The following PTK2 variants were observed in gnomAD, a reference collection of about 807,000 sequenced individuals.
PTK2 encodes protein tyrosine kinase 2.
In PTK2, 45 loss-of-function variants were observed where a neutral mutation model predicts 150.1. The observed-to-expected ratio is 0.30, with a 90% CI of 0.24 to 0.38. PTK2 has a LOEUF of 0.38. Among genes scored for constraint, PTK2 ranks in the 10% least tolerant of loss-of-function variants. The pLI is 1.00. For synonymous variants in PTK2, 432 were observed against 449.2 expected (o/e 0.96, Z 0.48); for missense variants, 919 against 1,307.3 (o/e 0.70, Z 4.58).
chr8:140,854,721 C>T (rs1349972368), intron 5 of PTK2, among the ~76,000 whole-genome samples: 1 of 152,032 alleles, frequency 6.6e-6, no homozygotes, highest in Non-Finnish European at 1.5e-5. Flanking sequence ...TACATTTAGG[C>T]CATCTTTTAA....
intron 26 of PTK2, among the ~76,000 whole-genome samples, chr8:140,688,311 T>G (rs1025019316): frequency 6.6e-6 from 1 of 152,168 alleles, no homozygotes; most frequent in African/African-American, 2.4e-5. Flanking sequence ...AACACATCAG[T>G]GTTGACTGAA....
intron 1 of PTK2, among the ~76,000 whole-genome samples, chr8:140,973,562 T>C (rs901983752): frequency 8.6e-5 from 13 of 151,584 alleles, no homozygotes; most frequent in African/African-American, 2.2e-4. Context: ...GGCAAACTCA[T>C]AGGATAGATG....
intron 7 of PTK2, chr8:140,832,894 C>A: frequency 1.9e-6 from 1 of 518,994 alleles, no homozygotes; most frequent in Non-Finnish European, 3.8e-6. Context: ...AGGCAACACA[C>A]ACGTCAGTAT....
intron 5 of PTK2, among the ~76,000 whole-genome samples, chr8:140,850,908 A>C (rs1412329211): frequency 3.9e-5 from 6 of 152,254 alleles, no homozygotes; most frequent in Non-Finnish European, 7.3e-5. Flanking sequence ...ATTACTCCAT[A>C]ATGTATTGCA....
chr8:140,661,309 C>G (rs1023557356), intron 31 of PTK2, among the ~76,000 whole-genome samples: 3 of 152,154 alleles, frequency 2.0e-5, no homozygotes, highest in African/African-American at 7.2e-5. Context: ...GCAGATAAAC[C>G]ATCTAAGAGG....
At chr8:140,990,100 G>A (rs1249783221) in intron 1 of PTK2, among the ~76,000 whole-genome samples, 1 of 152,128 alleles carries the variant, frequency 6.6e-6, no homozygotes, top group Non-Finnish European at 1.5e-5. Flanking sequence ...TTAGTGACAA[G>A]TAACAGAAGA....
At chr8:140,967,788 C>G (rs1417179730) in intron 1 of PTK2, among the ~76,000 whole-genome samples, 2 of 152,048 alleles carry the variant, frequency 1.3e-5, no homozygotes, top group Non-Finnish European at 2.9e-5. Flanking sequence ...CATATCCTAA[C>G]AATTTAACTC....
chr8:140,995,535 G>C (rs543210454), intron 1 of PTK2, among the ~76,000 whole-genome samples: 25 of 152,254 alleles, frequency 1.6e-4, no homozygotes, highest in African/African-American at 5.1e-4. Flanking sequence ...GCCGGGCACA[G>C]TGGTGATGCC....
At chr8:140,696,803 C>T (rs775312600) in intron 26 of PTK2, among the ~76,000 whole-genome samples, 1 of 152,054 alleles carries the variant, frequency 6.6e-6, no homozygotes, top group Non-Finnish European at 1.5e-5. Context: ...TCCATATGCT[C>T]GGCATGGTGG....
intron 20 of PTK2, among the ~76,000 whole-genome samples, chr8:140,742,639 G>A (rs2100056411): frequency 6.6e-6 from 1 of 152,102 alleles, no homozygotes; most frequent in African/African-American, 2.4e-5. Flanking sequence ...ATGCTTATGT[G>A]CAATCCATAT....
At chr8:140,791,123 C>T (rs1470201131) in intron 13 of PTK2, among the ~76,000 whole-genome samples, 1 of 152,198 alleles carries the variant, frequency 6.6e-6, no homozygotes, top group African/African-American at 2.4e-5. Flanking sequence ...CAATGTACTA[C>T]CTTCCTCACT....
intron 2 of PTK2, among the ~76,000 whole-genome samples, chr8:140,891,239 A>G (rs562399648): frequency 1.3e-5 from 2 of 152,310 alleles, no homozygotes; most frequent in South Asian, 2.1e-4. Flanking sequence ...TAAAAACACT[A>G]TAATTAAAAT....
intron 1 of PTK2, among the ~76,000 whole-genome samples, chr8:140,948,362 T>C (rs10086364): frequency 0.025 from 3,869 of 152,050 alleles, 64 homozygotes; most frequent in South Asian, 0.036. Flanking sequence ...AAACAAAATA[T>C]GAGGCAGAAC....
chr8:140,809,660 G>A (rs2100100255), intron 10 of PTK2, among the ~76,000 whole-genome samples: 2 of 152,076 alleles, frequency 1.3e-5, no homozygotes, highest in Admixed American at 6.5e-5. Context: ...ACAAAAATTA[G>A]CCGAGTGTAA....
chr8:140,857,219 A>G (rs1017249698), intron 5 of PTK2, among the ~76,000 whole-genome samples: 1 of 152,076 alleles, frequency 6.6e-6, no homozygotes, highest in African/African-American at 2.4e-5. Context: ...ATTTTTTGCA[A>G]CCTGGATCTG....
At chr8:140,751,831 T>C (rs1352968999) in intron 17 of PTK2, 1 of 476,700 alleles carries the variant, frequency 2.1e-6, no homozygotes, top group African/African-American at 2.0e-5. Context: ...ACAAGGGGAA[T>C]GGTCATAGAG....
At chr8:140,829,415 T>A (rs565063172) in intron 8 of PTK2, among the ~76,000 whole-genome samples, 60 of 152,368 alleles carry the variant, frequency 3.9e-4, no homozygotes, top group Non-Finnish European at 7.2e-4. Flanking sequence ...TGATAAATTA[T>A]ACCAACACTC....
intron 1 of PTK2, among the ~76,000 whole-genome samples, chr8:140,928,324 TGAA>T: frequency 6.6e-6 from 1 of 152,296 alleles, no homozygotes; most frequent in South Asian, 2.1e-4. Flanking sequence ...GGCAAGGATA[TGAA>T]GAAATCGAAA....
At chr8:140,830,075 G>GCA (rs1478819926) in intron 8 of PTK2, among the ~76,000 whole-genome samples, 3 of 111,900 alleles carry the variant, frequency 2.7e-5, no homozygotes, top group East Asian at 2.5e-4. Context: ...TAACATGCAC[G>GCA]CACACACATA....
Sources: gnomAD v4.1 joint callset for allele counts (sites outside exome capture counted in the v4.1 genomes callset) on GRCh38, gnomAD v4.1.1 for gene constraint, MANE v1.5 for transcripts, NCBI Gene and HGNC (gene_info 2026-07-23, HGNC 2026-07-21) for gene names.